ZNF106: variants seen among roughly 807,000 people sequenced by gnomAD.
ZNF106 encodes SH3-domain binding protein 3.
A neutral mutation model predicts 195.1 loss-of-function variants in ZNF106; 67 were observed. The observed-to-expected ratio is 0.34, with a 90% CI of 0.28 to 0.42. The LOEUF (loss-of-function observed/expected upper bound fraction) is 0.42, where lower values mean the gene tolerates loss of function less well. ZNF106 is among the 10% of genes least tolerant of loss of function. ZNF106 has a pLI of 1.00. For missense variants in ZNF106, 2,118 were observed against 2,304.5 expected, an observed-to-expected ratio of 0.92 and a Z score of 1.66; for synonymous variants, 784 against 818.6, an observed-to-expected ratio of 0.96 and a Z score of 0.72.
At chr15:42,418,149 A>G (rs914721539) in intron 20 of ZNF106, among the ~76,000 whole-genome samples, 198 bp from the exon 21 acceptor site, 6 of 152,180 alleles carry the variant, frequency 3.9e-5, no homozygotes, top group African/African-American at 1.4e-4. Flanking sequence ...AAAATACTGG[A>G]AAAATCTTTT....
At chr15:42,470,730 A>G (rs2056647228) in intron 2 of ZNF106, among the ~76,000 whole-genome samples, 2 of 152,190 alleles carry the variant, frequency 1.3e-5, no homozygotes, top group South Asian at 2.1e-4. Flanking sequence ...TGAAACTCTG[A>G]TATCACATCT....
chr15:42,465,087 A>G (rs576037909), intron 3 of ZNF106, among the ~76,000 whole-genome samples: 2 of 152,268 alleles, frequency 1.3e-5, no homozygotes, highest in East Asian at 3.9e-4. Flanking sequence ...AGACTAATAC[A>G]ATGGGGTTTC....
intron 2 of ZNF106, among the ~76,000 whole-genome samples, chr15:42,468,652 A>G: frequency 6.6e-6 from 1 of 151,832 alleles, no homozygotes; most frequent in Admixed American, 6.6e-5. Flanking sequence ...CTGAGGCAGG[A>G]GAATCGCTTG....
intron 6 of ZNF106, among the ~76,000 whole-genome samples, chr15:42,447,102 G>GTATTT (rs1265701237): frequency 6.6e-6 from 1 of 152,242 alleles, no homozygotes; most frequent in Non-Finnish European, 1.5e-5. Flanking sequence ...AGCTTGAAGT[G>GTATTT]TATTTTAAGT....
chr15:42,417,458 G>A, intron 21 of ZNF106, 98 bp from the exon 22 acceptor site: 11 of 1,431,276 alleles, frequency 7.7e-6, no homozygotes, highest in South Asian at 1.2e-5. Context: ...TTCCACCTAG[G>A]ATCCAGACAG....
At chr15:42,436,592 TTG>T (rs2055282497) in intron 13 of ZNF106, among the ~76,000 whole-genome samples, 1 of 152,210 alleles carries the variant, frequency 6.6e-6, no homozygotes, top group Non-Finnish European at 1.5e-5. Context: ...TAAGCTTTCA[TTG>T]TTCATAAACA....
intron 1 of ZNF106, among the ~76,000 whole-genome samples, chr15:42,488,269 T>C (rs2057060310): frequency 6.6e-6 from 1 of 152,160 alleles, no homozygotes. Flanking sequence ...GGTTGCAAAA[T>C]GCACACCCTC....
In ZNF106 at chr15:42,450,942, C is replaced by T; in HGVS notation, c.1330G>A (p.Asp444Asn). The change falls in exon 5 of 22, where the codon GAT becomes AAT. Residue 444 changes from aspartate to asparagine, a missense_variant. Coordinates refer to ENST00000564754, the MANE Select transcript of ZNF106 (RefSeq NM_001366845.3). ...ACCACCTCGAAGGAAGCAGCGGAAT[C>T]AGAAGAGGCCTTGTGATTAAGAGAT... ...TGSLNHKASS[D>N]SAASFEVVRQ... 6.2e-7 allele frequency: 1 copy of T among 1,614,176 alleles called. No individual in the cohort carries two copies. Among genetic ancestry groups the T allele is most frequent in the Non-Finnish European group, 8.5e-7 (1 of 1,180,032 alleles).
chr15:42,485,306 A>G (rs1238376998), intron 1 of ZNF106, among the ~76,000 whole-genome samples: 57 of 152,376 alleles, frequency 3.7e-4, no homozygotes, highest in Admixed American at 3.3e-3. Flanking sequence ...ACAAAAACTT[A>G]TAAGTAATAC....
rs761688811 is a variant in ZNF106 at position 42,461,456 on chromosome 15, C to T, written c.117-4298G>A. ...GTGTGAAACACAAAGTCTTAAGATA[C>T]TCTCTCCATAAGCTTTTCTTTATTA... On this transcript the variant is annotated intron_variant, in intron 3 of 21. Transcript: ENST00000564754. Among the ~76,000 whole-genome samples, 3 of 152,232 alleles carry T rather than the reference C, an allele frequency of 2.0e-5. No individual in the cohort carries two copies. In the South Asian group the frequency reaches 6.2e-4, roughly 31 times the overall value.
intron 4 of ZNF106, among the ~76,000 whole-genome samples, chr15:42,456,502 A>T (rs1229497295): frequency 2.6e-5 from 4 of 152,072 alleles, no homozygotes; most frequent in Admixed American, 2.0e-4. Context: ...TGCAAAAAAA[A>T]TTAGCCAGGC....
At chr15:42,427,985 G>T in intron 15 of ZNF106, 33 bp downstream of exon 15, 1 of 1,562,412 alleles carries the variant, frequency 6.4e-7, no homozygotes, top group South Asian at 1.1e-5. Flanking sequence ...TCAAGTGCAT[G>T]GGAAGTAAGC....
At chr15:42,490,619 T>C (rs1273347579) in intron 1 of ZNF106, among the ~76,000 whole-genome samples, 1 of 152,186 alleles carries the variant, frequency 6.6e-6, no homozygotes, top group Non-Finnish European at 1.5e-5. Context: ...TTGAAATGTG[T>C]CCCTGGCCTG....
Position 42,442,172 on chromosome 15 carries a change from T to C in ZNF106, c.3664A>G (p.Ile1222Val). ...SVPAPDSSVQ[I>V]KQEPMSPEQD... ...TCAGGAGACATGGGCTCTTGTTTAA[T>C]CTGAACTGATGAGTCTGGAGCAGGG... Residue 1222 changes from isoleucine (I) to valine (V), a missense_variant, in exon 10 of 22, where the codon ATT becomes GTT. Transcript: ENST00000564754. 3.1e-6 allele frequency: 5 copies of C among 1,614,192 alleles called. No homozygotes were observed. Among genetic ancestry groups the C allele is most frequent in the Non-Finnish European group, 4.2e-6 (5 of 1,180,030 alleles).
intron 2 of ZNF106, 28 bp downstream of exon 2, chr15:42,472,208 C>G: frequency 6.5e-7 from 1 of 1,529,162 alleles, no homozygotes; most frequent in African/African-American, 1.4e-5. Context: ...AGTCATAAAG[C>G]CTCAGATTCT....
At chr15:42,485,960 C>CTTTT (rs34242148) in intron 1 of ZNF106, among the ~76,000 whole-genome samples, 2 of 137,452 alleles carry the variant, frequency 1.5e-5, no homozygotes, top group African/African-American at 5.4e-5. Context: ...ATTACTCTTT[C>CTTTT]TTTTTTTTTT....
intron 5 of ZNF106, among the ~76,000 whole-genome samples, chr15:42,449,503 C>A (rs2055901909): frequency 6.6e-6 from 1 of 152,182 alleles, no homozygotes; most frequent in Non-Finnish European, 1.5e-5. Flanking sequence ...GATTTTACCC[C>A]TGTAAAGCCA....
At chr15:42,481,090 T>A (rs1303633569) in intron 1 of ZNF106, among the ~76,000 whole-genome samples, 2 of 152,148 alleles carry the variant, frequency 1.3e-5, no homozygotes, top group African/African-American at 4.8e-5. Context: ...ATGTTTTATA[T>A]CTACCATAAG....
At chr15:42,470,797 T>C (rs776274344) in intron 2 of ZNF106, among the ~76,000 whole-genome samples, 3 of 152,332 alleles carry the variant, frequency 2.0e-5, no homozygotes, top group Non-Finnish European at 4.4e-5. Flanking sequence ...AACGTGAAAG[T>C]AGTCATAAGG....
Sources: gnomAD v4.1 joint callset for allele counts (sites outside exome capture counted in the v4.1 genomes callset) on GRCh38, gnomAD v4.1.1 for gene constraint, MANE v1.5 for transcripts, NCBI Gene and HGNC (gene_info 2026-07-23, HGNC 2026-07-21) for gene names.